SUMF1: variants seen among roughly 807,000 people sequenced by gnomAD.
The protein encoded by SUMF1 is formylglycine-generating enzyme.
Under a neutral mutation model 47.6 loss-of-function variants are expected in SUMF1, and 48 were observed. The ratio of observed to expected loss-of-function variants is 1.01; its 90% CI spans 0.80 to 1.28. SUMF1 has a LOEUF of 1.28. Ranked by LOEUF, SUMF1 falls within the 50% of genes most tolerant of loss-of-function variation. The probability of loss-of-function intolerance (pLI) is 0.00; values close to 1 mark genes in which losing one functional copy is unlikely to be tolerated. For synonymous variants in SUMF1, 230 were observed against 192.1 expected (o/e 1.20, Z -1.63); for missense variants, 571 against 485.4 (o/e 1.18, Z -1.66).
At chr3:4,121,951 G>T (rs1290006779) in intron 8 of SUMF1, among the ~76,000 whole-genome samples, 2 of 152,088 alleles carry the variant, frequency 1.3e-5, no homozygotes, top group Non-Finnish European at 2.9e-5. Context: ...CCATTTATAA[G>T]TGAGAACATG....
intron 7 of SUMF1, among the ~76,000 whole-genome samples, chr3:4,397,236 T>G (rs56790161): frequency 0.017 from 2,561 of 152,308 alleles, 70 homozygotes; most frequent in African/African-American, 0.057. Flanking sequence ...TACAGCAGCA[T>G]CATCCTAAAT....
chr3:4,268,952 G>T (rs2243966), intron 8 of SUMF1, among the ~76,000 whole-genome samples: 1 of 151,944 alleles, frequency 6.6e-6, no homozygotes, highest in East Asian at 1.9e-4. Context: ...AGCATGCTCC[G>T]GTAGTATAAG....
chr3:4,357,980 G>A (rs1193456250), downstream of SUMF1, among the ~76,000 whole-genome samples: 2 of 152,002 alleles, frequency 1.3e-5, no homozygotes, highest in Admixed American at 6.6e-5. Flanking sequence ...CGACAATTGA[G>A]ATGCTCTGTT....
intron 8 of SUMF1, among the ~76,000 whole-genome samples, chr3:4,310,063 G>T (rs1022563686): frequency 6.6e-6 from 1 of 152,160 alleles, no homozygotes; most frequent in African/African-American, 2.4e-5. Flanking sequence ...GTAGATACTT[G>T]TAACGCAGTG....
chr3:4,196,097 C>T (rs943446693), intron 8 of SUMF1, among the ~76,000 whole-genome samples: 1 of 152,070 alleles, frequency 6.6e-6, no homozygotes, highest in Non-Finnish European at 1.5e-5. Context: ...AGAACACATG[C>T]CTATGGTGAC....
In SUMF1 at chr3:4,426,526, T is replaced by C. The variant is rs1290517495; in HGVS notation, c.520-6380A>G. 2.0e-5 allele frequency among the ~76,000 whole-genome samples: 3 copies of C among 152,224 alleles called. No homozygotes were observed. The East Asian group carries it at 5.8e-4, about 29-fold the overall frequency. ...ACTTGTTCTTGAACTCCTGATTCTG[T>C]CTTGAAAATAAGTGCTATTCTACTA... On this transcript the variant is annotated intron_variant, in intron 3 of 8. Transcript: ENST00000272902.
chr3:4,342,489 T>C (rs776080453), intron 8 of SUMF1, among the ~76,000 whole-genome samples: 1 of 152,200 alleles, frequency 6.6e-6, no homozygotes, highest in Non-Finnish European at 1.5e-5. Flanking sequence ...GCTGATATCA[T>C]GCCCCTGCAC....
chr3:4,220,712 A>T (rs1177576667), intron 8 of SUMF1, among the ~76,000 whole-genome samples: 1 of 152,152 alleles, frequency 6.6e-6, no homozygotes, highest in African/African-American at 2.4e-5. Flanking sequence ...GACTTGCTAT[A>T]GGACCTTGAG....
rs73119342 is a variant in SUMF1, at chr3:4,295,562, C to A, written c.1014+80768G>T. Reference sequence around the variant, plus strand: ...TGAAATGAACGAACCGCGGGCTGTGCTTTTCAAGGTCAAACTGCAAACAAA... The same window carrying A: ...TGAAATGAACGAACCGCGGGCTGTGATTTTCAAGGTCAAACTGCAAACAAA... On this transcript the variant is annotated intron_variant and NMD_transcript_variant, in intron 8 of 12. Coordinates refer to the SUMF1 transcript ENST00000448413. Among the ~76,000 whole-genome samples, 362 of 152,172 alleles carry A rather than the reference C, an allele frequency of 2.4e-3. 2 individuals are homozygous for A. Among genetic ancestry groups the A allele is most frequent in the African/African-American group, 8.1e-3 (335 of 41,518 alleles).
intron 8 of SUMF1, among the ~76,000 whole-genome samples, chr3:4,115,675 C>T (rs1482800867): frequency 6.6e-6 from 1 of 151,476 alleles, no homozygotes; most frequent in Non-Finnish European, 1.5e-5. Flanking sequence ...ACTAGCTGAG[C>T]AGACTGATTA....
intron 8 of SUMF1, among the ~76,000 whole-genome samples, chr3:4,350,078 G>A (rs1195548448): frequency 2.0e-5 from 3 of 150,760 alleles, no homozygotes; most frequent in Non-Finnish European, 4.4e-5. Flanking sequence ...TTGGGTCACT[G>A]CAACCTCTGC....
chr3:4,075,615 G>A lies in SUMF1; in HGVS notation c.1015-6870C>T, dbSNP rs528301165. On this transcript the variant is annotated intron_variant and NMD_transcript_variant, in intron 8 of 12. Transcript: ENST00000448413. ...CCCATCATCTCAGCCCAAAATCTCC[G>A]TAAGCTGATGAGTAACTTCAGCAAA... is the stretch of plus-strand genomic sequence containing the variant. 3.3e-5 allele frequency among the ~76,000 whole-genome samples: 5 copies of A among 152,112 alleles called. No individual in the cohort carries two copies. In the East Asian group the frequency reaches 5.8e-4, roughly 18 times the overall value.
intron 8 of SUMF1, among the ~76,000 whole-genome samples, chr3:4,202,740 T>C (rs193149857): frequency 6.1e-4 from 92 of 151,904 alleles, no homozygotes; most frequent in East Asian, 6.0e-3. Context: ...GTCCATGAAC[T>C]TTTACTGTAA....
intron 8 of SUMF1, among the ~76,000 whole-genome samples, chr3:4,248,279 C>G (rs570356039): frequency 8.5e-5 from 13 of 152,252 alleles, no homozygotes; most frequent in African/African-American, 2.9e-4. Context: ...AAAAGCATGC[C>G]AGTCATGAAA....
At chr3:4,184,145 T>A (rs2587952) in intron 8 of SUMF1, among the ~76,000 whole-genome samples, 49,061 of 139,818 alleles carry the variant, frequency 0.35, 8,075 homozygotes, top group East Asian at 0.41. Context: ...GAAAAAAAAT[T>A]AAAAAAAAAA....
intron 8 of SUMF1, among the ~76,000 whole-genome samples, chr3:4,229,967 T>A (rs6799351): frequency 0.36 from 54,951 of 151,808 alleles, 10,851 homozygotes; most frequent in Non-Finnish European, 0.45. Context: ...CAGCTATAAT[T>A]GCTCCATTGC....
intron 8 of SUMF1, among the ~76,000 whole-genome samples, chr3:4,268,129 G>C (rs1395857756): frequency 6.6e-6 from 1 of 152,052 alleles, no homozygotes; most frequent in Non-Finnish European, 1.5e-5. Context: ...AGTAAACTAT[G>C]TCAAGAACAA....
At chr3:4,135,920 G>A (rs1693916306) in intron 8 of SUMF1, among the ~76,000 whole-genome samples, 1 of 152,112 alleles carries the variant, frequency 6.6e-6, no homozygotes, top group Admixed American at 6.5e-5. Flanking sequence ...ACTTACATGG[G>A]ATGTGAAGGA....
intron 8 of SUMF1, among the ~76,000 whole-genome samples, chr3:4,287,945 G>C (rs987830216): frequency 2.6e-5 from 4 of 152,140 alleles, no homozygotes; most frequent in African/African-American, 9.7e-5. Context: ...GATAATTAAT[G>C]CTACTGCTCT....
Sources: gnomAD v4.1 joint callset for allele counts (sites outside exome capture counted in the v4.1 genomes callset) on GRCh38, gnomAD v4.1.1 for gene constraint, MANE v1.5 for transcripts, NCBI Gene and HGNC (gene_info 2026-07-23, HGNC 2026-07-21) for gene names.